Variants in GABRB3 observed in about 807,000 individuals in gnomAD.
GABRB3 encodes the protein gamma-aminobutyric acid type A receptor subunit beta3, also known as gamma-aminobutyric acid receptor subunit beta-3.
GABRB3 carries 14 observed loss-of-function variants against 52.1 expected under a neutral mutation model. The ratio of observed to expected loss-of-function variants is 0.27; its 90% CI spans 0.18 to 0.42. The LOEUF is 0.42. Among genes scored for constraint, GABRB3 ranks in the 10% least tolerant of loss-of-function variants. GABRB3 has a pLI of 1.00. For synonymous variants in GABRB3, 260 were observed against 232.3 expected (o/e 1.12, Z -1.08); for missense variants, 307 against 609.1 (o/e 0.50, Z 5.22).
At chr15:26,559,217 G>C (rs1461164685) in intron 8 of GABRB3, among the ~76,000 whole-genome samples, 2 of 152,208 alleles carry the variant, frequency 1.3e-5, no homozygotes, top group African/African-American at 4.8e-5. Flanking sequence ...GTGATAGTCA[G>C]TGACTTCTCA....
intron 3 of GABRB3, among the ~76,000 whole-genome samples, chr15:26,623,485 G>A (rs1374024373): frequency 2.0e-5 from 3 of 152,174 alleles, no homozygotes; most frequent in South Asian, 2.1e-4. Context: ...TCCTAGGAGT[G>A]TACTTTTCAC....
chr15:26,708,101 T>C (rs1437708079), intron 3 of GABRB3, among the ~76,000 whole-genome samples: 2 of 152,358 alleles, frequency 1.3e-5, no homozygotes, highest in South Asian at 2.1e-4. Flanking sequence ...CAGCCTATAA[T>C]ACATGACCAG....
chr15:26,554,035 ATTTATTTATTTATATTTATT>A (rs1889596562), intron 8 of GABRB3, among the ~76,000 whole-genome samples: 3 of 80,386 alleles, frequency 3.7e-5, no homozygotes, highest in South Asian at 3.5e-4. Flanking sequence ...ATATATATAT[ATTTATTTATTTATATTTATT>A]TATATATAAA....
At chr15:26,763,941 T>C (rs1890893254) in intron 3 of GABRB3, among the ~76,000 whole-genome samples, 1 of 150,354 alleles carries the variant, frequency 6.7e-6, no homozygotes, top group East Asian at 2.0e-4. Flanking sequence ...AGGTTAGGAG[T>C]TCAAGACCAG....
At position 26,740,922 on chromosome 15, in the gene GABRB3, G is replaced by A. The variant is rs200030506; in HGVS notation, c.240+31480C>T. 3.3e-5 allele frequency among the ~76,000 whole-genome samples: 5 copies of A among 152,116 alleles called. No homozygotes were observed. The East Asian group carries it at 7.7e-4, about 24-fold the overall frequency. ...ACAAGCACTGCTGGAAGTACTTGGAGGGGGAGATGGCGGGAGCAGCACGGA... is the reference window on the plus strand; with the variant it reads ...ACAAGCACTGCTGGAAGTACTTGGAAGGGGAGATGGCGGGAGCAGCACGGA... On this transcript the variant is annotated intron_variant, in intron 3 of 8. Coordinates refer to ENST00000311550, the MANE Select transcript of GABRB3 (RefSeq NM_000814.6).
rs540743812 is a variant in GABRB3 at position 26,562,126 on chromosome 15, G to A, written c.836-950C>T. ...TCATCTGAGGCCATAGACACCAGGA[G>A]GCAAGTCAGTGACATGCCCAGAGCT... On this transcript the variant is annotated intron_variant, in intron 7 of 8. Coordinates refer to ENST00000311550, the MANE Select transcript of GABRB3 (RefSeq NM_000814.6). Among the ~76,000 whole-genome samples, 10 of 152,316 alleles carry A rather than the reference G, an allele frequency of 6.6e-5. No homozygotes were observed. In the South Asian group the frequency reaches 2.1e-3, roughly 32 times the overall value.
intron 3 of GABRB3, among the ~76,000 whole-genome samples, chr15:26,658,997 T>A (rs1887459374): frequency 6.6e-6 from 1 of 152,186 alleles, no homozygotes; most frequent in Non-Finnish European, 1.5e-5. Context: ...CTGGAATTTG[T>A]TTTCACTTTC....
chr15:26,609,397 A>G (rs147265926), intron 4 of GABRB3, among the ~76,000 whole-genome samples: 13 of 152,318 alleles, frequency 8.5e-5, no homozygotes, highest in African/African-American at 3.1e-4. Context: ...TAGATTCATT[A>G]TGTGAACAAA....
At chr15:26,563,477 T>C (rs111477511) in intron 7 of GABRB3, among the ~76,000 whole-genome samples, 1 of 152,300 alleles carries the variant, frequency 6.6e-6, no homozygotes, top group African/African-American at 2.4e-5. Flanking sequence ...TGGATGGTGG[T>C]GTGTTGTGGT....
intron 3 of GABRB3, among the ~76,000 whole-genome samples, chr15:26,677,223 C>A (rs1334919874): frequency 6.6e-6 from 1 of 152,152 alleles, no homozygotes; most frequent in African/African-American, 2.4e-5. Context: ...TTCTGCCCCC[C>A]AAATACGTTC....
At position 26,668,638 on chromosome 15, in the gene GABRB3, G is replaced by T. The variant is rs1438669283; in HGVS notation, c.241-47104C>A. Among the ~76,000 whole-genome samples, 3 of 152,120 alleles carry T rather than the reference G, an allele frequency of 2.0e-5. No individual in the cohort carries two copies. In the East Asian group the frequency reaches 5.8e-4, roughly 29 times the overall value. On this transcript the variant is annotated intron_variant, in intron 3 of 8. Transcript: ENST00000311550. ...TCTTGAGAAAGTTATTTAATCAGTG[G>T]TGTTGAAGAATTAATGTGTACTCCA... is the stretch of plus-strand genomic sequence containing the variant.
chr15:26,647,723 G>C (rs1887054307), intron 3 of GABRB3, among the ~76,000 whole-genome samples: 1 of 152,130 alleles, frequency 6.6e-6, no homozygotes, highest in Admixed American at 6.5e-5. Flanking sequence ...GTTCTCAAGA[G>C]ATGAAACCAA....
chr15:26,668,322 A>G (rs1260593663), intron 3 of GABRB3, among the ~76,000 whole-genome samples: 1 of 152,236 alleles, frequency 6.6e-6, no homozygotes, highest in African/African-American at 2.4e-5. Flanking sequence ...GCTATAAAAA[A>G]TTAAAAATAT....
At chr15:26,643,251 C>G (rs1424204073) in intron 3 of GABRB3, among the ~76,000 whole-genome samples, 2 of 152,204 alleles carry the variant, frequency 1.3e-5, no homozygotes, top group Non-Finnish European at 1.5e-5. Context: ...CCCGTGCCCC[C>G]ATCCTGGCGG....
chr15:26,645,105 T>C (rs1192201164), intron 3 of GABRB3, among the ~76,000 whole-genome samples: 22 of 152,108 alleles, frequency 1.4e-4, no homozygotes, highest in Admixed American at 1.4e-3. Flanking sequence ...GAGCCAGGCC[T>C]GGTGGTGTGC....
intron 8 of GABRB3, among the ~76,000 whole-genome samples, chr15:26,548,482 A>C (rs1889342095): frequency 1.3e-5 from 2 of 152,228 alleles, no homozygotes; most frequent in Non-Finnish European, 2.9e-5. Flanking sequence ...AACCATTTTC[A>C]CAACTATACT....
chr15:26,586,342 A>G (rs1365943610), intron 4 of GABRB3, among the ~76,000 whole-genome samples: 2 of 149,996 alleles, frequency 1.3e-5, no homozygotes, highest in Non-Finnish European at 3.0e-5. Flanking sequence ...AACTGAGTCA[A>G]TGATTGAAAT....
At chr15:26,580,258 C>T in intron 6 of GABRB3, 61 bp downstream of exon 6, 1 of 1,604,462 alleles carries the variant, frequency 6.2e-7, no homozygotes, top group Non-Finnish European at 8.5e-7. Flanking sequence ...CATTTTGTCA[C>T]TCCAGTCACG....
chr15:26,675,551 T>C (rs373377132), intron 3 of GABRB3, among the ~76,000 whole-genome samples: 28 of 152,188 alleles, frequency 1.8e-4, no homozygotes, highest in Admixed American at 7.2e-4. Context: ...TTCAGAACCA[T>C]TGAGATAGGT....
Sources: gnomAD v4.1 joint callset for allele counts (sites outside exome capture counted in the v4.1 genomes callset) on GRCh38, gnomAD v4.1.1 for gene constraint, MANE v1.5 for transcripts, NCBI Gene and HGNC (gene_info 2026-07-23, HGNC 2026-07-21) for gene names.